MTMR7: variants seen among roughly 807,000 people sequenced by gnomAD.
MTMR7 encodes myotubularin related protein 7.
In MTMR7, 76 loss-of-function variants were observed where a neutral mutation model predicts 81.2. That is an observed-to-expected ratio of 0.94 (90% CI 0.78 to 1.13). The LOEUF (loss-of-function observed/expected upper bound fraction) is 1.13. Among genes scored for constraint, MTMR7 ranks in the 50% most tolerant of loss-of-function variants. The probability of loss-of-function intolerance (pLI) is 0.00; values close to 1 mark genes in which losing one functional copy is unlikely to be tolerated. For synonymous variants in MTMR7, 372 were observed against 289.8 expected (o/e 1.28, Z -2.88); for missense variants, 1,044 against 820.0 (o/e 1.27, Z -3.34).
At position 17,304,417 on chromosome 8, in the gene MTMR7, G is replaced by C. The variant is rs997496170; in HGVS notation, c.1455C>G (p.Thr485=). 1.2e-6 allele frequency: 2 copies of C among 1,613,980 alleles called. No individual in the cohort carries two copies. The highest frequency in any genetic ancestry group is 1.7e-6 in the Non-Finnish European group (2 of 1,179,904). Residue 485 remains threonine (T), a synonymous_variant, in exon 12 of 14, where the codon ACC becomes ACG. Transcript: ENST00000180173. ...FRADHSQTQG[T]LHLPTTPCNF... is the part of the protein sequence containing the mutation. Reference sequence around the variant, plus strand: ...TACATGGTGTTGTAGGGAGATGAAGGGTTCCCTGAGTCTGGCTGTGATCAG... The same window carrying C: ...TACATGGTGTTGTAGGGAGATGAAGCGTTCCCTGAGTCTGGCTGTGATCAG...
chr8:17,372,452 G>C (rs899972135), intron 2 of MTMR7, among the ~76,000 whole-genome samples: 1 of 152,090 alleles, frequency 6.6e-6, no homozygotes, highest in Admixed American at 6.5e-5. Context: ...GCCAGGCGTG[G>C]TGGCGCGTGA....
chr8:17,397,162 G>C (rs562089919), intron 1 of MTMR7, among the ~76,000 whole-genome samples: 3 of 152,048 alleles, frequency 2.0e-5, no homozygotes, highest in East Asian at 2.0e-4. Context: ...AGGCTATGGA[G>C]AGAGACTCCT....
intron 1 of MTMR7, among the ~76,000 whole-genome samples, chr8:17,403,589 AT>A (rs528637916): frequency 2.6e-5 from 4 of 151,908 alleles, no homozygotes; most frequent in African/African-American, 7.3e-5. Flanking sequence ...AACTTTTATG[AT>A]TTTTTCTATT....
At chr8:17,408,634 C>T (rs12548066) in intron 1 of MTMR7, among the ~76,000 whole-genome samples, 110,429 of 151,876 alleles carry the variant, frequency 0.73, 40,504 homozygotes, top group East Asian at 0.99. Flanking sequence ...AATGAGGTAA[C>T]AGAAAGCAAG....
intron 11 of MTMR7, among the ~76,000 whole-genome samples, chr8:17,305,489 A>G (rs1405400173): frequency 6.6e-6 from 1 of 152,184 alleles, no homozygotes; most frequent in Non-Finnish European, 1.5e-5. Flanking sequence ...TGACTCCAGA[A>G]AATTCCCTTT....
chr8:17,362,157 T>C (rs79621655), intron 3 of MTMR7, among the ~76,000 whole-genome samples: 5,846 of 152,292 alleles, frequency 0.038, 554 homozygotes, highest in East Asian at 0.32. Context: ...AAAAAAAAGT[T>C]AAATTAATTT....
At chr8:17,392,994 G>A (rs563316626) in intron 1 of MTMR7, among the ~76,000 whole-genome samples, 1 of 152,254 alleles carries the variant, frequency 6.6e-6, no homozygotes, top group East Asian at 1.9e-4. Flanking sequence ...TCTCTAACAA[G>A]CTATACGTGA....
At chr8:17,317,326 G>T (rs1404254686) in intron 7 of MTMR7, among the ~76,000 whole-genome samples, 2 of 152,172 alleles carry the variant, frequency 1.3e-5, no homozygotes, top group Non-Finnish European at 2.9e-5. Context: ...TAACATCTGC[G>T]AGTCCTTTGT....
Position 17,388,367 on chromosome 8 carries a change from C to T in MTMR7, c.25-15127G>A, listed in dbSNP as rs543749195. 1.8e-3 allele frequency among the ~76,000 whole-genome samples: 267 copies of T among 152,204 alleles called. 2 individuals carry two copies. Among genetic ancestry groups the T allele is most frequent in the Middle Eastern group, 3.4e-3 (1 of 294 alleles). On this transcript the variant is annotated intron_variant, in intron 1 of 13. Coordinates refer to ENST00000180173, the MANE Select transcript of MTMR7 (RefSeq NM_004686.5). ...AATAAATTCAGGACAGATGCTGGTT[C>T]TTTGTAACTCAGTGAATACATGATG...
intron 1 of MTMR7, among the ~76,000 whole-genome samples, chr8:17,401,009 C>T (rs970893239): frequency 6.6e-6 from 1 of 152,040 alleles, no homozygotes. Context: ...GTTATAGAAC[C>T]TAATAATCCA....
At chr8:17,395,520 GT>G (rs1480602544) in intron 1 of MTMR7, among the ~76,000 whole-genome samples, 1 of 152,158 alleles carries the variant, frequency 6.6e-6, no homozygotes, top group South Asian at 2.1e-4. Flanking sequence ...AGCAGTACCA[GT>G]TTACATTATC....
intron 6 of MTMR7, among the ~76,000 whole-genome samples, chr8:17,333,278 T>C (rs1226308147): frequency 1.3e-5 from 2 of 152,208 alleles, no homozygotes; most frequent in East Asian, 3.8e-4. Flanking sequence ...AGACAACTTA[T>C]GTTCACACTT....
intron 1 of MTMR7, among the ~76,000 whole-genome samples, chr8:17,393,539 C>A (rs534936441): frequency 3.3e-5 from 5 of 152,068 alleles, no homozygotes; most frequent in African/African-American, 9.7e-5. Context: ...AGACAGATAA[C>A]CCAATTTAAA....
chr8:17,301,771 A>ATAGT (rs1487042937), intron 13 of MTMR7: 1 of 233,092 alleles, frequency 4.3e-6, no homozygotes, highest in African/African-American at 2.3e-5. Flanking sequence ...GATTAATATC[A>ATAGT]TAGTTAACAT....
intron 1 of MTMR7, among the ~76,000 whole-genome samples, chr8:17,394,714 T>C (rs928958421): frequency 6.6e-6 from 1 of 152,180 alleles, no homozygotes; most frequent in South Asian, 2.1e-4. Context: ...TTTTTAATTA[T>C]GCCAAAATCA....
intron 4 of MTMR7, among the ~76,000 whole-genome samples, chr8:17,351,976 C>T (rs750754012): frequency 2.6e-5 from 4 of 152,100 alleles, no homozygotes; most frequent in Non-Finnish European, 5.9e-5. Context: ...GGTAAGATAC[C>T]TGTGTTCATG....
chr8:17,357,550 C>T (rs955721394), intron 4 of MTMR7, among the ~76,000 whole-genome samples: 2 of 133,762 alleles, frequency 1.5e-5, no homozygotes, highest in Non-Finnish European at 3.1e-5. Context: ...ACATAAAACA[C>T]CTTTTTTTCC....
At chr8:17,396,935 C>A (rs538897703) in intron 1 of MTMR7, among the ~76,000 whole-genome samples, 1 of 152,016 alleles carries the variant, frequency 6.6e-6, no homozygotes, top group South Asian at 2.1e-4. Flanking sequence ...CCATTCCAGG[C>A]CTTAGCTCCC....
At chr8:17,361,398 A>C (rs1820056412) in intron 3 of MTMR7, 124 bp from the exon 4 acceptor site, 1 of 992,352 alleles carries the variant, frequency 1.0e-6, no homozygotes, top group South Asian at 1.5e-5. Context: ...CCCCCAGCAC[A>C]CTCTTGGGAG....
Sources: allele counts gnomAD v4.1 joint callset (sites outside exome capture counted in the v4.1 genomes callset), GRCh38; gene constraint gnomAD v4.1.1; transcripts MANE v1.5; gene names NCBI Gene and HGNC (gene_info 2026-07-23, HGNC 2026-07-21).